KIR3DL1: variants seen among roughly 807,000 people sequenced by gnomAD.
The protein encoded by KIR3DL1 is killer cell immunoglobulin like receptor, three Ig domains and long cytoplasmic tail 1.
A neutral mutation model predicts 40.3 loss-of-function variants in KIR3DL1; 50 were observed. The observed-to-expected ratio is 1.24, with a 90% CI of 0.99 to 1.57. The LOEUF is 1.57. Among genes scored for constraint, KIR3DL1 ranks in the 40% most tolerant of loss-of-function variants. KIR3DL1 has a pLI of 0.00. For synonymous variants in KIR3DL1, 257 were observed against 207.2 expected, an observed-to-expected ratio of 1.24 and a Z score of -2.07; for missense variants, 661 against 559.9, an observed-to-expected ratio of 1.18 and a Z score of -1.82.
At chr19:54,817,222 C>A (rs2061392645) in intron 1 of KIR3DL1, among the ~76,000 whole-genome samples, 1 of 144,950 alleles carries the variant, frequency 6.9e-6, no homozygotes, top group Admixed American at 6.8e-5. Flanking sequence ...AGATAGGAGC[C>A]TGGAGTGGAG....
intron 4 of KIR3DL1, among the ~76,000 whole-genome samples, chr19:54,820,650 C>T (rs561380885): frequency 2.0e-5 from 3 of 150,980 alleles, no homozygotes; most frequent in African/African-American, 7.3e-5. Flanking sequence ...CACCAAAAAG[C>T]AAAGACATAA....
At chr19:54,829,248 GC>G in intron 6 of KIR3DL1, 112 bp from the exon 7 acceptor site, 1 of 887,440 alleles carries the variant, frequency 1.1e-6, no homozygotes, top group Non-Finnish European at 1.7e-6. Context: ...CCATCTGGGT[GC>G]TTGTCCGAAA....
chr19:54,819,382 T>A (rs1482486166), intron 3 of KIR3DL1, among the ~76,000 whole-genome samples: 2 of 117,792 alleles, frequency 1.7e-5, no homozygotes, highest in African/African-American at 5.4e-5. Flanking sequence ...TGATTCAGGC[T>A]GCTAAGAGCC....
intron 6 of KIR3DL1, among the ~76,000 whole-genome samples, chr19:54,827,155 T>A (rs935445770): frequency 7.3e-5 from 11 of 151,362 alleles, no homozygotes; most frequent in African/African-American, 2.7e-4. Context: ...CAGGGAGGGC[T>A]TGCTGGGTTT....
chr19:54,816,515 C>A, exon 1 of KIR3DL1: 2 of 1,607,488 alleles, frequency 1.2e-6, no homozygotes, highest in Non-Finnish European at 1.7e-6. Context: ...CGCTCATGGT[C>A]GTCAGCATGG....
At chr19:54,830,322 C>G in exon 9 of KIR3DL1, 2 of 1,502,124 alleles carry the variant, frequency 1.3e-6, no homozygotes, top group Non-Finnish European at 1.8e-6. Context: ...GACAACAGCC[C>G]TGTCTCAAAA....
At chr19:54,822,378 G>T (rs1218941866) in intron 5 of KIR3DL1, among the ~76,000 whole-genome samples, 1 of 151,178 alleles carries the variant, frequency 6.6e-6, no homozygotes, top group African/African-American at 2.4e-5. Flanking sequence ...TAATCTCGGC[G>T]CTTTGAGAGG....
At chr19:54,818,035 G>A (rs1485738512) in intron 2 of KIR3DL1, among the ~76,000 whole-genome samples, 6 of 148,822 alleles carry the variant, frequency 4.0e-5, no homozygotes, top group Admixed American at 2.0e-4. Context: ...CATAGGACTT[G>A]CCCTCCATGC....
chr19:54,826,688 C>T (rs1214754953), intron 6 of KIR3DL1, among the ~76,000 whole-genome samples: 1 of 149,194 alleles, frequency 6.7e-6, no homozygotes, highest in Non-Finnish European at 1.5e-5. Context: ...TCTCACTAAT[C>T]AGATATTTGT....
exon 4 of KIR3DL1, chr19:54,819,854 G>T: frequency 6.2e-7 from 1 of 1,612,106 alleles, no homozygotes; most frequent in African/African-American, 1.3e-5. Flanking sequence ...GACCCCTCAC[G>T]CCTCGTTGGA....
intron 5 of KIR3DL1, among the ~76,000 whole-genome samples, chr19:54,823,862 G>A (rs1485985146): frequency 2.6e-5 from 4 of 151,550 alleles, no homozygotes; most frequent in Admixed American, 6.6e-5. Flanking sequence ...GAGTGATGCC[G>A]AGTACTTTTT....
In KIR3DL1 at chr19:54,829,504, A is replaced by C. The variant is rs755045869; in HGVS notation, c.1105+39A>C. The C allele has an allele frequency of 2.9e-6, 4 of 1,378,178 alleles. 1 individual carries two copies. Among genetic ancestry groups the C allele is most frequent in the Non-Finnish European group, 2.0e-6 (2 of 1,005,396 alleles). 85.4% of individuals were successfully genotyped at this position (1,378,178 alleles called of 1,614,324 possible). ...GGCACAGGCCAGAGAGCTCAGGGCC[A>C]TGTGGGGAAGCAGGATGGGAGCACA... is the stretch of plus-strand genomic sequence containing the variant. On this transcript the variant is annotated intron_variant, in intron 7 of 8. Coordinates refer to ENST00000391728, the Ensembl canonical transcript of KIR3DL1.
exon 5 of KIR3DL1, chr19:54,821,596 G>A (rs2061637767): frequency 1.2e-6 from 2 of 1,607,888 alleles, no homozygotes; most frequent in Non-Finnish European, 8.5e-7. Context: ...TCTCAGCCCA[G>A]CCGGGCCCCA....
intron 6 of KIR3DL1, among the ~76,000 whole-genome samples, chr19:54,826,240 G>GA (rs2061882461): frequency 1.3e-5 from 2 of 150,020 alleles, no homozygotes; most frequent in African/African-American, 5.0e-5. Flanking sequence ...TGGGAGGACA[G>GA]AAAATGAGTG....
intron 4 of KIR3DL1, among the ~76,000 whole-genome samples, chr19:54,820,531 C>G (rs1289485359): frequency 6.6e-6 from 1 of 151,336 alleles, no homozygotes; most frequent in Non-Finnish European, 1.5e-5. Context: ...GAACACCAAC[C>G]CCTGTATGCT....
intron 4 of KIR3DL1, among the ~76,000 whole-genome samples, chr19:54,820,857 A>G (rs1294362592): frequency 6.6e-6 from 1 of 151,308 alleles, no homozygotes; most frequent in Non-Finnish European, 1.5e-5. Flanking sequence ...ATAGAACTAG[A>G]GAGACTGAGA....
chr19:54,819,778 A>T, exon 4 of KIR3DL1: 2 of 1,611,280 alleles, frequency 1.2e-6, no homozygotes, highest in Non-Finnish European at 1.7e-6. Context: ...AGAGAGAGTC[A>T]TCCTGCAATG....
intron 4 of KIR3DL1, 127 bp downstream of exon 4, chr19:54,820,139 G>T: frequency 9.8e-7 from 1 of 1,024,304 alleles, no homozygotes; most frequent in Non-Finnish European, 1.5e-6. Context: ...GTGACTTGGT[G>T]AGGTCTGTAC....
chr19:54,822,666 C>T lies in KIR3DL1; in HGVS notation c.949+808C>T, dbSNP rs1278031589. Among the ~76,000 whole-genome samples the T allele has an allele frequency of 2.7e-5, 4 of 150,422 alleles. 1 individual carries two copies. Among genetic ancestry groups the T allele is most frequent in the South Asian group, 2.1e-4 (1 of 4,724 alleles). On this transcript the variant is annotated intron_variant, in intron 5 of 8. Coordinates refer to ENST00000391728, the Ensembl canonical transcript of KIR3DL1. Reference sequence around the variant, plus strand: ...ACATCTATATTCTTTTTTTTGTTACCCTCCACCCTTCCCTTCCTGGCCTCT... The same window carrying T: ...ACATCTATATTCTTTTTTTTGTTACTCTCCACCCTTCCCTTCCTGGCCTCT...
Sources: allele counts gnomAD v4.1 joint callset (sites outside exome capture counted in the v4.1 genomes callset), GRCh38; gene constraint gnomAD v4.1.1; transcripts MANE v1.5; gene names NCBI Gene and HGNC (gene_info 2026-07-23, HGNC 2026-07-21).